Variants in KCNN2 observed in about 807,000 individuals in gnomAD.
KCNN2 encodes the protein small conductance calcium-activated potassium channel protein 2.
KCNN2 carries 24 observed loss-of-function variants against 55.5 expected under a neutral mutation model. The observed-to-expected ratio is 0.43, with a 90% CI of 0.31 to 0.61. The LOEUF is 0.61. Among genes scored for constraint, KCNN2 ranks in the 20% least tolerant of loss-of-function variants. The pLI is 0.08. For synonymous variants in KCNN2, 431 were observed against 336.1 expected, an observed-to-expected ratio of 1.28 and a Z score of -3.09; for missense variants, 754 against 853.6, an observed-to-expected ratio of 0.88 and a Z score of 1.45.
chr5:114,273,200 G>C (rs549609267), intron 2 of KCNN2, among the ~76,000 whole-genome samples: 136 of 152,216 alleles, frequency 8.9e-4, no homozygotes, highest in African/African-American at 3.1e-3. Flanking sequence ...TGCAAAGGAC[G>C]TGAACTCATC....
intron 3 of KCNN2, among the ~76,000 whole-genome samples, chr5:114,443,562 G>C (rs896440549): frequency 1.3e-5 from 2 of 152,196 alleles, no homozygotes; most frequent in African/African-American, 4.8e-5. Context: ...AGAACACAAG[G>C]ATCTCAAATT....
intron 2 of KCNN2, among the ~76,000 whole-genome samples, chr5:114,371,747 A>C (rs2150051043): frequency 6.6e-6 from 1 of 152,302 alleles, no homozygotes; most frequent in East Asian, 1.9e-4. Flanking sequence ...ATTCCTTCTC[A>C]GACATTGAAT....
At chr5:114,166,664 G>A (rs1752919346) in intron 1 of KCNN2, among the ~76,000 whole-genome samples, 1 of 152,114 alleles carries the variant, frequency 6.6e-6, no homozygotes, top group Non-Finnish European at 1.5e-5. Context: ...CTATAACAAA[G>A]CCCAAGCAGC....
intron 2 of KCNN2, among the ~76,000 whole-genome samples, chr5:114,288,892 T>G (rs768285547): frequency 1.3e-5 from 2 of 152,172 alleles, no homozygotes; most frequent in Non-Finnish European, 2.9e-5. Flanking sequence ...TTTTTTTTCA[T>G]TGCTTATGCT....
chr5:114,181,825 T>C (rs1325699800), intron 1 of KCNN2, among the ~76,000 whole-genome samples: 2 of 152,084 alleles, frequency 1.3e-5, no homozygotes, highest in Non-Finnish European at 2.9e-5. Flanking sequence ...GAGACCAGCC[T>C]GGCCATGGTG....
At chr5:114,306,883 T>A (rs1390169318) in intron 2 of KCNN2, among the ~76,000 whole-genome samples, 2 of 152,012 alleles carry the variant, frequency 1.3e-5, no homozygotes, top group South Asian at 4.2e-4. Flanking sequence ...TGTATTTTTT[T>A]AGTAGAGACG....
At chr5:114,113,302 A>G (rs1751640189) in intron 1 of KCNN2, among the ~76,000 whole-genome samples, 1 of 151,976 alleles carries the variant, frequency 6.6e-6, no homozygotes. Context: ...ATAATGTTTC[A>G]TATAATTGAG....
intron 1 of KCNN2, among the ~76,000 whole-genome samples, chr5:114,094,282 A>G (rs1456545523): frequency 6.6e-6 from 1 of 152,098 alleles, no homozygotes; most frequent in African/African-American, 2.4e-5. Flanking sequence ...GGTCTTCAGC[A>G]CAGAATAGAT....
chr5:114,281,422 A>G (rs971659124), intron 2 of KCNN2, among the ~76,000 whole-genome samples: 2 of 152,136 alleles, frequency 1.3e-5, no homozygotes, highest in African/African-American at 4.8e-5. Flanking sequence ...ATTATATTAA[A>G]TTTTGTTGAA....
intron 1 of KCNN2, among the ~76,000 whole-genome samples, chr5:114,063,516 A>T (rs531672161): frequency 6.6e-6 from 1 of 152,076 alleles, no homozygotes; most frequent in Non-Finnish European, 1.5e-5. Context: ...CCAAATTTCC[A>T]TTTCTAACAA....
At chr5:114,400,375 C>T (rs1015701714) in intron 2 of KCNN2, among the ~76,000 whole-genome samples, 3 of 152,174 alleles carry the variant, frequency 2.0e-5, no homozygotes, top group South Asian at 2.1e-4. Context: ...ATTTAGGTGA[C>T]GAGGTACAAC....
At chr5:114,481,739 A>C (rs956975510) in intron 5 of KCNN2, among the ~76,000 whole-genome samples, 2 of 152,036 alleles carry the variant, frequency 1.3e-5, no homozygotes, top group Non-Finnish European at 2.9e-5. Context: ...ACACACCTAC[A>C]ACCATCATGA....
At chr5:114,174,647 GA>G in intron 1 of KCNN2, among the ~76,000 whole-genome samples, 1 of 152,106 alleles carries the variant, frequency 6.6e-6, no homozygotes, top group Admixed American at 6.5e-5. Context: ...CAGGTGCAAT[GA>G]AAAACCTCTG....
At chr5:114,267,023 G>T (rs1459099303) in intron 2 of KCNN2, among the ~76,000 whole-genome samples, 2 of 119,156 alleles carry the variant, frequency 1.7e-5, no homozygotes, top group Non-Finnish European at 3.3e-5. Context: ...TTGAGACGAA[G>T]TCTCCCTCTC....
intron 1 of KCNN2, among the ~76,000 whole-genome samples, chr5:114,171,518 C>G (rs141427234): frequency 1.4e-3 from 207 of 152,032 alleles, no homozygotes; most frequent in African/African-American, 4.4e-3. Context: ...ACCTCTCCTG[C>G]TCCTTGGGAG....
chr5:114,422,104 G>T lies in KCNN2; in HGVS notation c.1637+17248G>T, dbSNP rs1244933372. 2.6e-5 allele frequency among the ~76,000 whole-genome samples: 4 copies of T among 152,168 alleles called. No individual in the cohort carries two copies. The East Asian group carries it at 7.7e-4, about 29-fold the overall frequency. On this transcript the variant is annotated intron_variant, in intron 3 of 7. Coordinates refer to ENST00000673685, the MANE Select transcript of KCNN2 (RefSeq NM_021614.4). The stretch of plus-strand genomic sequence containing the variant: ...TTAGTTTTTTCCAACATCAGTGCTA[G>T]GCACAAAGAGAGAATGTGAGTTAAT...
intron 1 of KCNN2, among the ~76,000 whole-genome samples, chr5:114,113,452 C>G (rs1001319993): frequency 6.6e-6 from 1 of 151,818 alleles, no homozygotes. Flanking sequence ...TTTTCCTCTC[C>G]CTCTTAGGTT....
intron 3 of KCNN2, among the ~76,000 whole-genome samples, chr5:114,413,881 A>T (rs1759215124): frequency 6.6e-6 from 1 of 152,178 alleles, no homozygotes; most frequent in Admixed American, 6.5e-5. Context: ...GTAATTATCC[A>T]TATATACATC....
chr5:114,278,359 G>T (rs1473172305), intron 2 of KCNN2, among the ~76,000 whole-genome samples: 1 of 152,216 alleles, frequency 6.6e-6, no homozygotes, highest in African/African-American at 2.4e-5. Flanking sequence ...ATGCCATGCT[G>T]GGAGAACCAC....
Sources: allele counts gnomAD v4.1 joint callset (sites outside exome capture counted in the v4.1 genomes callset), GRCh38; gene constraint gnomAD v4.1.1; transcripts MANE v1.5; gene names NCBI Gene and HGNC (gene_info 2026-07-23, HGNC 2026-07-21).